Variants in CHST9 observed in about 807,000 individuals in gnomAD.
CHST9 encodes GalNAc-4-sulfotransferase 2.
In CHST9, 41 loss-of-function variants were observed where a neutral mutation model predicts 44.4. The ratio of observed to expected loss-of-function variants is 0.92; its 90% CI spans 0.72 to 1.20. The LOEUF is 1.20. Ranked by LOEUF, CHST9 falls within the 50% of genes most tolerant of loss-of-function variation. The pLI is 0.00. For missense variants in CHST9, 504 were observed against 516.5 expected (o/e 0.98, Z 0.23); for synonymous variants, 171 against 178.4 (o/e 0.96, Z 0.33).
chr18:26,978,032 G>A (rs936738963), intron 4 of CHST9, among the ~76,000 whole-genome samples: 3 of 151,930 alleles, frequency 2.0e-5, no homozygotes, highest in Non-Finnish European at 4.4e-5. Flanking sequence ...GCATGTGCAT[G>A]TGTAAGAAAT....
intron 4 of CHST9, among the ~76,000 whole-genome samples, chr18:26,944,893 C>G (rs889245171): frequency 2.6e-5 from 4 of 152,106 alleles, no homozygotes; most frequent in South Asian, 2.1e-4. Flanking sequence ...TACAAACCAA[C>G]AGTTCTATAA....
chr18:26,955,949 A>G (rs1335374390), intron 4 of CHST9, among the ~76,000 whole-genome samples: 1 of 152,136 alleles, frequency 6.6e-6, no homozygotes, highest in Non-Finnish European at 1.5e-5. Context: ...CCATTTAAAT[A>G]TGAGAAAAAA....
At chr18:26,920,132 T>C (rs2055620954) in intron 5 of CHST9, among the ~76,000 whole-genome samples, 1 of 152,202 alleles carries the variant, frequency 6.6e-6, no homozygotes, top group African/African-American at 2.4e-5. Flanking sequence ...AACTCTCAGT[T>C]CCTTGACCAC....
intron 4 of CHST9, among the ~76,000 whole-genome samples, chr18:26,966,735 G>A (rs944805937): frequency 4.6e-5 from 7 of 152,166 alleles, no homozygotes; most frequent in Admixed American, 3.3e-4. Context: ...TGGTGGAGAA[G>A]ATCCCAAGTT....
chr18:27,117,680 A>AG (rs2058339901), intron 2 of CHST9, among the ~76,000 whole-genome samples: 2 of 152,046 alleles, frequency 1.3e-5, no homozygotes, highest in African/African-American at 4.8e-5. Context: ...TCATTTACTA[A>AG]TATGCATTTT....
intron 4 of CHST9, among the ~76,000 whole-genome samples, chr18:26,964,103 C>T (rs1293642930): frequency 3.9e-5 from 6 of 152,130 alleles, no homozygotes; most frequent in East Asian, 1.9e-4. Context: ...AGAAGCAGAA[C>T]GCTGATGTGG....
At chr18:27,049,671 T>C (rs1280503107) in intron 2 of CHST9, among the ~76,000 whole-genome samples, 1 of 152,100 alleles carries the variant, frequency 6.6e-6, no homozygotes, top group Non-Finnish European at 1.5e-5. Context: ...ATCTACTGAA[T>C]AGTCCATCCA....
At chr18:27,046,145 C>T (rs2057497360) in intron 3 of CHST9, among the ~76,000 whole-genome samples, 1 of 236 alleles carries the variant, frequency 4.2e-3, no homozygotes, top group Non-Finnish European at 9.6e-3. Flanking sequence ...AGGGGGTGCC[C>T]AACCCCCTGC....
intron 4 of CHST9, among the ~76,000 whole-genome samples, chr18:26,997,057 T>G (rs1319347473): frequency 6.6e-6 from 1 of 152,228 alleles, no homozygotes; most frequent in Non-Finnish European, 1.5e-5. Flanking sequence ...TGAGTTCCAA[T>G]TTTGCTTTAC....
chr18:27,116,435 G>A (rs1024917915), intron 2 of CHST9, among the ~76,000 whole-genome samples: 5 of 152,110 alleles, frequency 3.3e-5, no homozygotes, highest in African/African-American at 1.2e-4. Context: ...ATAAATATGA[G>A]GGTTGATTTC....
intron 4 of CHST9, among the ~76,000 whole-genome samples, chr18:26,995,164 C>T (rs532670591): frequency 1.3e-5 from 2 of 151,082 alleles, no homozygotes; most frequent in South Asian, 4.2e-4. Context: ...TGGCTCACGC[C>T]TGTAATCCCA....
rs2056129923 is a variant in CHST9, at chr18:26,944,330, T to C, written c.239A>G (p.Gln80Arg). Residue 80 changes from glutamine to arginine, a missense_variant and splice_region_variant, in exon 5 of 6, where the codon CAG becomes CGG. Physicochemically the swap from Gln to Arg is conservative, Grantham distance 43 (BLOSUM62 1). Coordinates refer to ENST00000618847, the MANE Select transcript of CHST9 (RefSeq NM_031422.6). ...TEKIQEHITN[Q>R]NPKFHMPEDV... ...AGTTTACGAGAAATGAGAGAATACC[T>C]GGTTGGTGATATGTTCCTGGATTTT... 4 of 1,607,454 alleles carry C rather than the reference T, an allele frequency of 2.5e-6. No individual in the cohort carries two copies. Among genetic ancestry groups the C allele is most frequent in the Non-Finnish European group, 3.4e-6 (4 of 1,174,452 alleles).
chr18:27,134,187 T>A (rs564760405), intron 2 of CHST9, among the ~76,000 whole-genome samples: 2 of 152,156 alleles, frequency 1.3e-5, no homozygotes, highest in Non-Finnish European at 2.9e-5. Context: ...TCAGAGAGGC[T>A]CAGGGGAAAA....
Position 27,142,801 on chromosome 18 carries a change from T to C in CHST9, c.9A>G (p.Pro3=), listed in dbSNP as rs1282180125. MQ[P]SEMVMNPKQV... ...GTTTGGGGTTCATGACCATTTCAGA[T>C]GGCTGCATTTCTCCTTATTTCAGAA... is the stretch of plus-strand genomic sequence containing the variant. Residue 3 remains proline, a synonymous_variant, in exon 2 of 6, where the codon CCA becomes CCG. Coordinates refer to ENST00000618847, the MANE Select transcript of CHST9 (RefSeq NM_031422.6). 2.5e-6 allele frequency: 4 copies of C among 1,604,916 alleles called. No homozygotes were observed. Among genetic ancestry groups the C allele is most frequent in the Admixed American group, 1.7e-5 (1 of 58,020 alleles).
At chr18:27,148,345 G>C (rs1027873625) in intron 1 of CHST9, among the ~76,000 whole-genome samples, 11 of 151,372 alleles carry the variant, frequency 7.3e-5, no homozygotes, top group African/African-American at 2.4e-4. Context: ...CCATGTTGGT[G>C]TGCTGCACCC....
At chr18:27,155,057 G>A (rs1255255384) in intron 1 of CHST9, among the ~76,000 whole-genome samples, 1 of 146,364 alleles carries the variant, frequency 6.8e-6, no homozygotes, top group Non-Finnish European at 1.5e-5. Context: ...ACTTCAACCT[G>A]GGCAACAGAG....
At chr18:27,110,414 C>T (rs977175470) in intron 2 of CHST9, among the ~76,000 whole-genome samples, 1 of 152,072 alleles carries the variant, frequency 6.6e-6, no homozygotes. Context: ...CTGGCTAAAA[C>T]AATGAAGATA....
chr18:27,104,441 A>G (rs2058203061), intron 2 of CHST9, among the ~76,000 whole-genome samples: 1 of 152,198 alleles, frequency 6.6e-6, no homozygotes, highest in South Asian at 2.1e-4. Flanking sequence ...CTGGTGATAA[A>G]TCACCCTTAA....
intron 1 of CHST9, among the ~76,000 whole-genome samples, chr18:27,163,523 C>T (rs1162734620): frequency 6.6e-6 from 1 of 152,218 alleles, no homozygotes; most frequent in Non-Finnish European, 1.5e-5. Flanking sequence ...GCGGGCGCCC[C>T]TCTCCCAGCC....
Sources: allele counts gnomAD v4.1 joint callset (sites outside exome capture counted in the v4.1 genomes callset), GRCh38; gene constraint gnomAD v4.1.1; transcripts MANE v1.5; gene names NCBI Gene and HGNC (gene_info 2026-07-23, HGNC 2026-07-21).